ZNF423: variants seen among roughly 807,000 people sequenced by gnomAD.
ZNF423 encodes the protein Ebf-associated zinc finger protein.
ZNF423 carries 12 observed loss-of-function variants against 95.8 expected under a neutral mutation model. The observed-to-expected ratio is 0.13, with a 90% CI of 0.08 to 0.20. The LOEUF (loss-of-function observed/expected upper bound fraction) is 0.20, where lower values mean the gene tolerates loss of function less well. Among genes scored for constraint, ZNF423 ranks in the 10% least tolerant of loss-of-function variants. The pLI is 1.00. For missense variants in ZNF423, 1,316 were observed against 1,737.1 expected, an observed-to-expected ratio of 0.76 and a Z score of 4.31; for synonymous variants, 749 against 711.9, an observed-to-expected ratio of 1.05 and a Z score of -0.83.
chr16:49,646,359 T>G (rs1051442841), intron 3 of ZNF423, among the ~76,000 whole-genome samples: 6 of 152,106 alleles, frequency 3.9e-5, no homozygotes, highest in African/African-American at 1.4e-4. Context: ...CAGGGGTACT[T>G]GCACACACCT....
At chr16:49,830,541 G>A (rs371337711) in intron 1 of ZNF423, among the ~76,000 whole-genome samples, 139 of 152,294 alleles carry the variant, frequency 9.1e-4, no homozygotes, top group African/African-American at 3.2e-3. Flanking sequence ...AAGGGATGCC[G>A]TTGTCAACAC....
intron 5 of ZNF423, among the ~76,000 whole-genome samples, chr16:49,529,943 A>G (rs1284759126): frequency 6.6e-6 from 1 of 152,036 alleles, no homozygotes; most frequent in Non-Finnish European, 1.5e-5. Flanking sequence ...GGCATCATTA[A>G]TGCACACACC....
At chr16:49,705,840 G>A (rs547844383) in intron 3 of ZNF423, among the ~76,000 whole-genome samples, 21 of 152,326 alleles carry the variant, frequency 1.4e-4, no homozygotes, top group Non-Finnish European at 2.4e-4. Flanking sequence ...GAGCCACTGC[G>A]CCCGGCCCCA....
chr16:49,790,227 G>C (rs1395018492), intron 1 of ZNF423, among the ~76,000 whole-genome samples: 2 of 152,228 alleles, frequency 1.3e-5, no homozygotes, highest in African/African-American at 2.4e-5. Context: ...ATGGAACTTT[G>C]TTTAAGCCAA....
In ZNF423 at chr16:49,635,662, G is replaced by A; in HGVS notation, c.3514C>T (p.Arg1172Trp). ...AGGATGAGGTGGACTGCACTTACCC[G>A]GGGCACTGGCGATGTCTGGGTGCCT... ...RKGTQTSPVP[R>W]KKTYQCIKCQ... The change falls in exon 4 of 8, where the codon CGG (arginine) becomes TGG (tryptophan). Residue 1172 changes from arginine (R) to tryptophan (W), a missense_variant and splice_region_variant. By Grantham distance (101) the Arg-to-Trp change is moderately radical. This residue lies in a region of ZNF423 where 75 missense variants were observed against 163.5 expected (regional missense o/e 0.46). Transcript: ENST00000563137. This position sits in a 1 kb window ranked among gnomAD's most constrained non-coding sequence, Gnocchi z 4.8. 1 of 1,564,872 alleles carries A rather than the reference G, an allele frequency of 6.4e-7. No homozygotes were observed.
At chr16:49,610,554 A>G (rs546547835) in intron 5 of ZNF423, among the ~76,000 whole-genome samples, 23 of 152,234 alleles carry the variant, frequency 1.5e-4, no homozygotes, top group African/African-American at 5.3e-4. Context: ...AACACTACAG[A>G]TAAACCAAAA....
intron 3 of ZNF423, among the ~76,000 whole-genome samples, chr16:49,659,681 C>T (rs1337128947): frequency 6.6e-6 from 1 of 152,238 alleles, no homozygotes; most frequent in East Asian, 1.9e-4. Context: ...TGATGGAGAG[C>T]GATCAGTCAC....
At position 49,492,484 on chromosome 16, in the gene ZNF423, G is replaced by C. The variant is rs1375504335; in HGVS notation, c.3850-1180C>G. On this transcript the variant is annotated intron_variant, in intron 7 of 7. Transcript: ENST00000563137. The surrounding 1 kb of genome is among the most constrained non-coding windows in gnomAD (Gnocchi z 4.2). The stretch of plus-strand genomic sequence containing the variant: ...CGCCCGGAGGCCGAGGCCGGGGCCG[G>C]GGCCGGGGCCGGGGCCGAGACGGGC... Among the ~76,000 whole-genome samples, 1 of 145,080 alleles carries C rather than the reference G, an allele frequency of 6.9e-6. No homozygotes were observed. Among genetic ancestry groups the C allele is most frequent in the African/African-American group, 2.7e-5 (1 of 36,672 alleles).
intron 2 of ZNF423, among the ~76,000 whole-genome samples, chr16:49,743,236 C>A (rs2033451727): frequency 6.6e-6 from 1 of 152,182 alleles, no homozygotes; most frequent in African/African-American, 2.4e-5. Flanking sequence ...CTGCCCAACT[C>A]CTCCTCACCG....
chr16:49,583,414 A>C (rs569579519), intron 5 of ZNF423, among the ~76,000 whole-genome samples: 2 of 152,386 alleles, frequency 1.3e-5, no homozygotes, highest in African/African-American at 4.8e-5. Flanking sequence ...TCATGATGGC[A>C]GCATCATTCC....
At chr16:49,795,096 TCCTGA>T (rs2034477435) in intron 1 of ZNF423, among the ~76,000 whole-genome samples, 1 of 152,148 alleles carries the variant, frequency 6.6e-6, no homozygotes, top group Admixed American at 6.5e-5. Context: ...GGTCTTGAAC[TCCTGA>T]CCTCAGGTTA....
chr16:49,828,961 C>T (rs1344038961), intron 1 of ZNF423, among the ~76,000 whole-genome samples: 2 of 152,330 alleles, frequency 1.3e-5, no homozygotes, highest in African/African-American at 4.8e-5. Flanking sequence ...GCCTCCTGGT[C>T]TGATCCCTGC....
intron 4 of ZNF423, among the ~76,000 whole-genome samples, chr16:49,627,118 C>T (rs1972313563): frequency 6.9e-6 from 1 of 145,730 alleles, no homozygotes; most frequent in Non-Finnish European, 1.5e-5. Flanking sequence ...CTCCATCTAC[C>T]CATCCATTCA....
chr16:49,718,495 T>G (rs1416728064), intron 3 of ZNF423, among the ~76,000 whole-genome samples: 2 of 152,194 alleles, frequency 1.3e-5, no homozygotes, highest in African/African-American at 4.8e-5. Context: ...TTAAGTTTGC[T>G]TGTTCCTTTG....
chr16:49,587,957 A>C (rs1229325864), intron 5 of ZNF423, among the ~76,000 whole-genome samples: 2 of 152,132 alleles, frequency 1.3e-5, no homozygotes, highest in African/African-American at 4.8e-5. Context: ...TAACCAGGAC[A>C]GGCAATCACT....
intron 5 of ZNF423, among the ~76,000 whole-genome samples, 169 bp from the exon 6 acceptor site, chr16:49,525,663 C>T (rs1026509778): frequency 5.3e-5 from 8 of 152,148 alleles, no homozygotes; most frequent in African/African-American, 1.7e-4. Flanking sequence ...CATGGCCTCA[C>T]CCCTAGAGGC....
intron 2 of ZNF423, among the ~76,000 whole-genome samples, chr16:49,787,890 G>C (rs1304213498): frequency 2.0e-5 from 3 of 152,162 alleles, no homozygotes; most frequent in East Asian, 1.9e-4. Context: ...ATCCTCTCTA[G>C]AGCGGGCAGC....
intron 7 of ZNF423, among the ~76,000 whole-genome samples, chr16:49,509,510 G>A (rs1967795649): frequency 6.6e-6 from 1 of 152,180 alleles, no homozygotes; most frequent in African/African-American, 2.4e-5. Flanking sequence ...GCGCACGGCT[G>A]CTGACGGGTG....
chr16:49,623,034 G>A (rs547973600), intron 5 of ZNF423, among the ~76,000 whole-genome samples: 18 of 152,108 alleles, frequency 1.2e-4, no homozygotes, highest in Non-Finnish European at 1.9e-4. Context: ...GGGTTGATGA[G>A]GCTCGGGGAG....
Sources: allele counts gnomAD v4.1 joint callset (sites outside exome capture counted in the v4.1 genomes callset), GRCh38; gene constraint gnomAD v4.1.1; regional missense constraint gnomAD v4.1.1; non-coding constraint Gnocchi (gnomAD v3.1); transcripts MANE v1.5; gene names NCBI Gene and HGNC (gene_info 2026-07-23, HGNC 2026-07-21).